SLCO2A1: variants seen among roughly 807,000 people sequenced by gnomAD.
SLCO2A1 encodes matrin F/G 1.
In SLCO2A1, 60 loss-of-function variants were observed where a neutral mutation model predicts 71.7. The observed-to-expected ratio is 0.84, with a 90% CI of 0.68 to 1.04. The LOEUF (loss-of-function observed/expected upper bound fraction) is 1.04. SLCO2A1 is among the 50% of genes least tolerant of loss of function. The pLI is 0.00. For synonymous variants in SLCO2A1, 308 were observed against 326.7 expected (o/e 0.94, Z 0.62); for missense variants, 745 against 813.4 (o/e 0.92, Z 1.02).
chr3:133,947,918 C>T (rs1305920995), intron 8 of SLCO2A1, among the ~76,000 whole-genome samples: 1 of 152,194 alleles, frequency 6.6e-6, no homozygotes, highest in African/African-American at 2.4e-5. Context: ...TATGGTTAAA[C>T]TCACCTGTGG....
At position 134,020,911 on chromosome 3, in the gene SLCO2A1, G is replaced by A. The variant is rs139119022; in HGVS notation, c.96+8796C>T. Reference sequence around the variant, plus strand: ...TGATCACCCATGGTGTGCCTTTATCGGCACTTTGGTTTGGTTTTGACTTGA... The same window carrying A: ...TGATCACCCATGGTGTGCCTTTATCAGCACTTTGGTTTGGTTTTGACTTGA... On this transcript the variant is annotated intron_variant, in intron 1 of 13. Coordinates refer to ENST00000310926, the MANE Select transcript of SLCO2A1 (RefSeq NM_005630.3). Among the ~76,000 whole-genome samples, 293 of 151,290 alleles carry A rather than the reference G, an allele frequency of 1.9e-3. 2 individuals are homozygous for A. Among genetic ancestry groups the A allele is most frequent in the South Asian group, 4.6e-3 (22 of 4,758 alleles).
At chr3:134,019,341 T>A (rs552095190) in intron 1 of SLCO2A1, among the ~76,000 whole-genome samples, 1 of 152,160 alleles carries the variant, frequency 6.6e-6, no homozygotes, top group Non-Finnish European at 1.5e-5. Context: ...ACTTCCATAG[T>A]TCCTGGTACA....
chr3:133,942,810 T>C (rs1933462922), intron 10 of SLCO2A1, 42 bp from the exon 11 acceptor site: 2 of 1,563,658 alleles, frequency 1.3e-6, no homozygotes, highest in African/African-American at 1.4e-5. Flanking sequence ...AATTTGTTAT[T>C]ATTTCACTTT....
intron 1 of SLCO2A1, among the ~76,000 whole-genome samples, chr3:134,018,353 C>T (rs1192571243): frequency 6.6e-6 from 1 of 152,200 alleles, no homozygotes; most frequent in Non-Finnish European, 1.5e-5. Flanking sequence ...GCACTTTGCT[C>T]TGGAAACTGA....
chr3:133,949,090 G>T (rs1457979344), intron 6 of SLCO2A1, 119 bp from the exon 7 acceptor site: 6 of 790,390 alleles, frequency 7.6e-6, no homozygotes, highest in African/African-American at 1.7e-5. Flanking sequence ...GCCCCCTCCA[G>T]GCGTGTGTGC....
rs906283779 is a variant in SLCO2A1, at chr3:133,973,702, A to C, written c.358T>G (p.Phe120Val). The C allele has an allele frequency of 2.5e-6, 4 of 1,614,092 alleles. No individual in the cohort carries two copies. The highest frequency in any genetic ancestry group is 3.4e-6 in the Non-Finnish European group (4 of 1,180,036). Residue 120 changes from phenylalanine (F) to valine (V), a missense_variant, in exon 3 of 14, where the codon TTC becomes GTC. Physicochemically the swap from Phe to Val is conservative, Grantham distance 50. Coordinates refer to ENST00000310926, the MANE Select transcript of SLCO2A1 (RefSeq NM_005630.3). The part of the protein sequence containing the change: ...AGAFILTLPH[F>V]LSEPYQYTLA... ...GTGTACTGGTAGGGCTCGGAGAGGA[A>C]GTGTGGGAGGGTGAGGATGAAGGCA... is the stretch of plus-strand genomic sequence containing the variant.
intron 3 of SLCO2A1, among the ~76,000 whole-genome samples, chr3:133,966,707 T>G (rs908229493): frequency 6.6e-6 from 1 of 152,236 alleles, no homozygotes; most frequent in African/African-American, 2.4e-5. Context: ...CTCTCCTTGT[T>G]GTTTCCAACC....
At chr3:133,983,431 G>A (rs11719536) in intron 1 of SLCO2A1, among the ~76,000 whole-genome samples, 19,306 of 152,280 alleles carry the variant, frequency 0.13, 1,472 homozygotes, top group Non-Finnish European at 0.16. Context: ...TGTGCAGATT[G>A]AAGATTTGTC....
At chr3:133,960,387 C>T (rs372953439) in intron 3 of SLCO2A1, among the ~76,000 whole-genome samples, 49 of 152,240 alleles carry the variant, frequency 3.2e-4, no homozygotes, top group African/African-American at 1.1e-3. Flanking sequence ...GGAAGAGAAT[C>T]CTGACACATG....
chr3:133,968,444 G>A (rs560217258), intron 3 of SLCO2A1, among the ~76,000 whole-genome samples: 31 of 152,220 alleles, frequency 2.0e-4, no homozygotes, highest in African/African-American at 6.7e-4. Flanking sequence ...GAGGCTCCCC[G>A]GCCCTGTGCC....
intron 1 of SLCO2A1, among the ~76,000 whole-genome samples, chr3:134,028,335 C>T (rs115006621): frequency 6.6e-6 from 1 of 152,278 alleles, no homozygotes; most frequent in East Asian, 1.9e-4. Context: ...TTCCAAAATT[C>T]CTGATGAAAT....
At chr3:133,976,061 T>C (rs1366649489) in intron 2 of SLCO2A1, among the ~76,000 whole-genome samples, 1 of 152,250 alleles carries the variant, frequency 6.6e-6, no homozygotes, top group Non-Finnish European at 1.5e-5. Context: ...GCTCGTTAAA[T>C]ATTGTTGAAC....
intron 1 of SLCO2A1, among the ~76,000 whole-genome samples, chr3:134,015,973 AAAAAC>A (rs1214052674): frequency 1.3e-5 from 2 of 152,316 alleles, no homozygotes; most frequent in African/African-American, 2.4e-5. Context: ...CAATAGGTAA[AAAAAC>A]AAAACAAAAC....
At chr3:133,940,469 C>T (rs779937634) in intron 11 of SLCO2A1, among the ~76,000 whole-genome samples, 1 of 152,140 alleles carries the variant, frequency 6.6e-6, no homozygotes, top group Non-Finnish European at 1.5e-5. Context: ...TCACGACCTC[C>T]TTGTACCTAG....
chr3:134,013,255 T>G (rs1314250582), intron 1 of SLCO2A1, among the ~76,000 whole-genome samples: 3 of 152,158 alleles, frequency 2.0e-5, no homozygotes, highest in African/African-American at 7.2e-5. Flanking sequence ...CCAAATACAC[T>G]GTAAATCAAA....
chr3:133,966,261 T>C (rs758436899), intron 3 of SLCO2A1, among the ~76,000 whole-genome samples: 3 of 152,210 alleles, frequency 2.0e-5, no homozygotes, highest in Non-Finnish European at 4.4e-5. Context: ...ACAGACCTTA[T>C]GGTATACAAG....
intron 6 of SLCO2A1, chr3:133,950,936 T>C (rs1278876372): frequency 1.4e-5 from 6 of 442,082 alleles, no homozygotes; most frequent in Non-Finnish European, 2.5e-5. Context: ...TCAATTTAGA[T>C]AAGCTCAGTG....
chr3:133,983,956 C>T (rs1435302259), intron 1 of SLCO2A1, among the ~76,000 whole-genome samples: 1 of 152,046 alleles, frequency 6.6e-6, no homozygotes, highest in African/African-American at 2.4e-5. Context: ...AGCCTGAGGG[C>T]CAGGAAGAGG....
Position 133,973,806 on chromosome 3 carries a change from A to C in SLCO2A1, c.254T>G (p.Ile85Ser). 1 of 1,613,618 alleles carries C rather than the reference A, an allele frequency of 6.2e-7. No individual in the cohort carries two copies. The highest frequency in any genetic ancestry group is 2.2e-5 in the East Asian group (1 of 44,858). ...GCTGCCAAAGTAGCTGACAAAGATG[A>C]TGAGGATGGCATTGCTGATCTGAGA... is the stretch of plus-strand genomic sequence containing the variant. ...SLNEISNAIL[I>S]IFVSYFGSRV... The change falls in exon 3 of 14, where the codon ATC (isoleucine) becomes AGC (serine). Residue 85 changes from isoleucine to serine, a missense_variant. Ile to Ser is a moderately radical substitution (Grantham distance 142). Coordinates refer to ENST00000310926, the MANE Select transcript of SLCO2A1 (RefSeq NM_005630.3).
Sources: allele counts gnomAD v4.1 joint callset (sites outside exome capture counted in the v4.1 genomes callset), GRCh38; gene constraint gnomAD v4.1.1; transcripts MANE v1.5; gene names NCBI Gene and HGNC (gene_info 2026-07-23, HGNC 2026-07-21).